Variants in AKT2 observed in about 807,000 individuals in gnomAD.
AKT2 encodes the protein RAC-beta serine/threonine-protein kinase.
In AKT2, 16 loss-of-function variants were observed where a neutral mutation model predicts 58.6. The observed-to-expected ratio is 0.27, with a 90% CI of 0.18 to 0.41. The LOEUF is 0.41. Ranked by LOEUF, AKT2 falls within the 10% of genes least tolerant of loss-of-function variation. The probability of loss-of-function intolerance (pLI) is 1.00; values close to 1 mark genes in which losing one functional copy is unlikely to be tolerated. For synonymous variants in AKT2, 253 were observed against 254.0 expected (o/e 1.00, Z 0.04); for missense variants, 438 against 661.0 (o/e 0.66, Z 3.70).
In AKT2 at chr19:40,241,291, T is replaced by G. The variant is rs963887796; in HGVS notation, c.573+647A>C. 1.2e-4 allele frequency: 19 copies of G among 159,720 alleles called. 1 individual carries two copies. Among genetic ancestry groups the G allele is most frequent in the Admixed American group, 8.9e-4 (15 of 16,940 alleles). The allele number at this position is 159,720 out of a possible 1,614,324, so 9.9% of individuals were successfully genotyped here. A position where few individuals can be genotyped will look rare whatever the true frequency, so the allele number is the denominator to read the frequency against. Reference sequence around the variant, plus strand: ...ATCAGGAATGAACAGCTAATTTGGTTGGCTCTGATGGCAGCACCACATGAT... The same window carrying G: ...ATCAGGAATGAACAGCTAATTTGGTGGGCTCTGATGGCAGCACCACATGAT... On this transcript the variant is annotated intron_variant, in intron 6 of 13. Coordinates refer to ENST00000392038, the MANE Select transcript of AKT2 (RefSeq NM_001626.6).
chr19:40,275,435 G>A (rs1432406001), intron 1 of AKT2: 1 of 403,016 alleles, frequency 2.5e-6, no homozygotes, highest in East Asian at 7.3e-5. Flanking sequence ...CACTCACAAA[G>A]CACCAGGCAT....
At position 40,233,327 on chromosome 19, in the gene AKT2, C is replaced by A. The variant is rs1465091071; in HGVS notation, c.*545G>T. 4 of 394,926 alleles carry A rather than the reference C, an allele frequency of 1.0e-5. No homozygotes were observed. The highest frequency in any genetic ancestry group is 1.4e-5 in the Non-Finnish European group (3 of 208,978). 24.5% of individuals were successfully genotyped at this position (394,926 alleles called of 1,614,324 possible). A position where few individuals can be genotyped will look rare whatever the true frequency, so the allele number is the denominator to read the frequency against. The stretch of plus-strand genomic sequence containing the variant: ...CCCCCAGCCCTGCAGCTCCCAAGGG[C>A]CCCTGCCTGCCCCTGGACATTATTG... On this transcript the variant is annotated 3_prime_UTR_variant, in exon 14 of 14. Transcript: ENST00000392038. This position sits in a 1 kb window ranked among gnomAD's most constrained non-coding sequence, Gnocchi z 4.3.
At chr19:40,251,948 G>A (rs1432901554) in intron 4 of AKT2, among the ~76,000 whole-genome samples, 4 of 152,198 alleles carry the variant, frequency 2.6e-5, no homozygotes, top group African/African-American at 7.2e-5. Context: ...AGTGGGGCGC[G>A]TGGATGTCCA....
At chr19:40,272,747 G>A (rs1051690301) in intron 1 of AKT2, among the ~76,000 whole-genome samples, 2 of 151,930 alleles carry the variant, frequency 1.3e-5, no homozygotes, top group South Asian at 4.1e-4. Flanking sequence ...AATGTCACAC[G>A]CACAGAAAAA....
rs374917693 is a variant in AKT2, at chr19:40,242,709, T to A, written c.288-22A>T. The A allele has an allele frequency of 1.8e-5, 29 of 1,607,730 alleles. No individual in the cohort carries two copies. The African/African-American group carries it at 3.2e-4, about 18-fold the overall frequency. The stretch of plus-strand genomic sequence containing the variant: ...CTCCCTGTGCAGGGACACACGTGAG[T>A]CCCAGCAGCCAGGAGTCCTGGGCCT... On this transcript the variant is annotated intron_variant, in intron 4 of 13. Transcript: ENST00000392038. The surrounding 1 kb of genome is among the most constrained non-coding windows in gnomAD (Gnocchi z 4.3).
intron 6 of AKT2, 138 bp from the exon 7 acceptor site, chr19:40,240,248 G>GA: frequency 1.0e-6 from 1 of 966,988 alleles, no homozygotes. Flanking sequence ...AGTGAAAAGT[G>GA]AAAGCCTGCA....
Position 40,234,066 on chromosome 19 carries a change from G to T in AKT2, c.1367-115C>A. The T allele has an allele frequency of 1.9e-6, 2 of 1,050,784 alleles. No individual in the cohort carries two copies. The highest frequency in any genetic ancestry group is 2.7e-6 in the Non-Finnish European group (2 of 728,062). 65.1% of individuals were successfully genotyped at this position (1,050,784 alleles called of 1,614,324 possible). A position where few individuals can be genotyped will look rare whatever the true frequency, so the allele number is the denominator to read the frequency against. On this transcript the variant is annotated intron_variant, in intron 13 of 13. Transcript: ENST00000392038. This position sits in a 1 kb window ranked among gnomAD's most constrained non-coding sequence, Gnocchi z 4.7. ...CGGGGGCTGCCCACAGGACAGGACA[G>T]GAAAGGCCCATCCCTCCGCAATGGA... is the stretch of plus-strand genomic sequence containing the variant.
chr19:40,281,330 A>G (rs1476253267), intron 1 of AKT2, among the ~76,000 whole-genome samples: 1 of 152,150 alleles, frequency 6.6e-6, no homozygotes, highest in Non-Finnish European at 1.5e-5. Flanking sequence ...CGTTTCCACA[A>G]AAAATTTAAA....
chr19:40,265,126 G>C, intron 2 of AKT2, 96 bp downstream of exon 2: 1 of 1,536,586 alleles, frequency 6.5e-7, no homozygotes, highest in Non-Finnish European at 8.8e-7. Context: ...GGCTCCTCAG[G>C]CTGGTAAGAC....
intron 6 of AKT2, 44 bp from the exon 7 acceptor site, chr19:40,240,154 C>G: frequency 1.3e-6 from 2 of 1,586,254 alleles, no homozygotes; most frequent in South Asian, 1.1e-5. Flanking sequence ...CAACACCACA[C>G]CTGCCCACTC....
At chr19:40,263,848 T>C (rs1225325043) in intron 2 of AKT2, among the ~76,000 whole-genome samples, 1 of 152,184 alleles carries the variant, frequency 6.6e-6, no homozygotes, top group African/African-American at 2.4e-5. Flanking sequence ...ACTCATTGGC[T>C]GTCGCCTCTG....
chr19:40,234,453 A>ATC lies in AKT2; in HGVS notation c.1367-504_1367-503dup, dbSNP rs1271802270. 39 of 221,576 alleles carry ATC rather than the reference A, an allele frequency of 1.8e-4. No homozygotes were observed. The highest frequency in any genetic ancestry group is 8.9e-4 in the African/African-American group (38 of 42,472). The allele number at this position is 221,576 out of a possible 1,614,324, so 13.7% of individuals were successfully genotyped here. ...CCCCATGCCCTCTCTTCTCACCACC[A>ATC]TCTCCCTGGCTGCTGCCGGTCCTTA... On this transcript the variant is annotated intron_variant, in intron 13 of 13. Transcript: ENST00000392038. The surrounding 1 kb of genome is among the most constrained non-coding windows in gnomAD (Gnocchi z 4.7).
At position 40,255,185 on chromosome 19, in the gene AKT2, G is replaced by A. The variant is rs1975450577; in HGVS notation, c.260C>T (p.Thr87Ile). The part of the protein sequence containing the change: ...CLQWTTVIER[T>I]FHVDSPDERE... ...CTCGTCTGGAGAATCCACGTGGAAG[G>A]TCCTCTCGATGACTGTGGTCCACTG... The change falls in exon 4 of 14, where the codon ACC becomes ATC. Residue 87 changes from threonine (T) to isoleucine (I), a missense_variant. By Grantham distance (89) the Thr-to-Ile change is moderately conservative. Coordinates refer to ENST00000392038, the MANE Select transcript of AKT2 (RefSeq NM_001626.6). 1 of 1,613,998 alleles carries A rather than the reference G, an allele frequency of 6.2e-7. No individual in the cohort carries two copies. Among genetic ancestry groups the A allele is most frequent in the Admixed American group, 1.7e-5 (1 of 60,010 alleles).
At chr19:40,284,115 C>T (rs1055081409) in intron 1 of AKT2, among the ~76,000 whole-genome samples, 8 of 152,236 alleles carry the variant, frequency 5.3e-5, no homozygotes, top group African/African-American at 1.9e-4. Flanking sequence ...GTTACTCCAG[C>T]CCAGGCGTCT....
At chr19:40,255,449 G>GTT in intron 3 of AKT2, 180 bp from the exon 4 acceptor site, 2 of 576,390 alleles carry the variant, frequency 3.5e-6, no homozygotes, top group Non-Finnish European at 6.3e-6. Context: ...GTGTGTGTGT[G>GTT]TGTGGAAGGA....
Position 40,263,057 on chromosome 19 carries a change from G to A in AKT2, c.46+2165C>T, listed in dbSNP as rs550098428. ...AGCTAGGCCATCCCAGATGACAGAG[G>A]CAGGCCTGTGGCTGGGTCATCTGGC... On this transcript the variant is annotated intron_variant, in intron 2 of 13. Transcript: ENST00000392038. 6.6e-5 allele frequency among the ~76,000 whole-genome samples: 10 copies of A among 152,316 alleles called. No individual in the cohort carries two copies. The South Asian group carries it at 1.4e-3, about 22-fold the overall frequency.
chr19:40,264,682 C>T (rs1490306577), intron 2 of AKT2, among the ~76,000 whole-genome samples: 1 of 152,114 alleles, frequency 6.6e-6, no homozygotes, highest in East Asian at 1.9e-4. Context: ...GGCCTCTGAC[C>T]ACTGCCGTCT....
chr19:40,236,544 G>C, intron 9 of AKT2, 159 bp from the exon 10 acceptor site: 1 of 990,754 alleles, frequency 1.0e-6, no homozygotes, highest in Non-Finnish European at 1.5e-6. Context: ...GGCTCAGAGA[G>C]AGGCCAGATC....
At position 40,235,685 on chromosome 19, in the gene AKT2, C is replaced by T. The variant is rs1489922589; in HGVS notation, c.1175+205G>A. 6.6e-6 allele frequency among the ~76,000 whole-genome samples: 1 copy of T among 152,176 alleles called. No homozygotes were observed. The highest frequency in any genetic ancestry group is 1.5e-5 in the Non-Finnish European group (1 of 68,026). On this transcript the variant is annotated intron_variant, in intron 11 of 13. Coordinates refer to ENST00000392038, the MANE Select transcript of AKT2 (RefSeq NM_001626.6). This position sits in a 1 kb window ranked among gnomAD's most constrained non-coding sequence, Gnocchi z 6.3. ...AGGGGATGCCCTGTTCCTCAGTGTC[C>T]CCATAAAATAAGGCAGTGTCAAGGA...
Sources: gnomAD v4.1 joint callset for allele counts (sites outside exome capture counted in the v4.1 genomes callset) on GRCh38, gnomAD v4.1.1 for gene constraint, Gnocchi (gnomAD v3.1) non-coding constraint, MANE v1.5 for transcripts, NCBI Gene and HGNC (gene_info 2026-07-23, HGNC 2026-07-21) for gene names.